The following SLC35F3 variants were observed in gnomAD, a reference collection of about 807,000 sequenced individuals.
SLC35F3 encodes putative thiamine transporter SLC35F3.
Under a neutral mutation model 49.9 loss-of-function variants are expected in SLC35F3, and 25 were observed. That is an observed-to-expected ratio of 0.50 (90% CI 0.37 to 0.70). SLC35F3 has a LOEUF of 0.70. Ranked by LOEUF, SLC35F3 falls within the 30% of genes least tolerant of loss-of-function variation. SLC35F3 has a pLI of 0.00. For synonymous variants in SLC35F3, 275 were observed against 265.4 expected, an observed-to-expected ratio of 1.04 and a Z score of -0.35; for missense variants, 525 against 639.8, an observed-to-expected ratio of 0.82 and a Z score of 1.94.
intron 2 of SLC35F3, among the ~76,000 whole-genome samples, chr1:234,148,865 T>C (rs1202118924): frequency 3.9e-5 from 6 of 152,108 alleles, no homozygotes. Flanking sequence ...AAAAAAGAAA[T>C]TGACTCCTAG....
chr1:234,231,276 C>A lies in SLC35F3; in HGVS notation c.284-141C>A. ...CTATTGCAGCTTGCTGTCACACAGC[C>A]GCCCTGGAAGCCGCCCCTGCACCCG... On this transcript the variant is annotated intron_variant, in intron 2 of 7. Coordinates refer to ENST00000366618, the MANE Select transcript of SLC35F3 (RefSeq NM_173508.4). This position sits in a 1 kb window ranked among gnomAD's most constrained non-coding sequence, Gnocchi z 5.4. 1 of 662,742 alleles carries A rather than the reference C, an allele frequency of 1.5e-6. No individual in the cohort carries two copies. Among genetic ancestry groups the A allele is most frequent in the Non-Finnish European group, 2.5e-6 (1 of 400,414 alleles). The allele number at this position is 662,742 out of a possible 1,614,324, so 41.1% of individuals were successfully genotyped here.
intron 2 of SLC35F3, among the ~76,000 whole-genome samples, chr1:234,144,388 C>T (rs1379315103): frequency 3.9e-5 from 6 of 152,206 alleles, no homozygotes; most frequent in South Asian, 2.1e-4. Context: ...ACAACTCCTT[C>T]GAAGAAAAGG....
intron 2 of SLC35F3, among the ~76,000 whole-genome samples, chr1:234,133,041 C>T (rs1050220990): frequency 8.5e-5 from 13 of 152,200 alleles, no homozygotes; most frequent in African/African-American, 2.7e-4. Context: ...GGTTGAGTAA[C>T]TTGTCTAGGA....
At position 234,320,673 on chromosome 1, in the gene SLC35F3, C is replaced by T. The variant is rs928522394; in HGVS notation, c.1237+486C>T. ...GAAACATGCTGACAAGCTGAAGAAG[C>T]GTGAACGGCATTTTCCCTGACCTCC... is the stretch of plus-strand genomic sequence containing the variant. On this transcript the variant is annotated intron_variant, in intron 7 of 7. Coordinates refer to ENST00000366618, the MANE Select transcript of SLC35F3 (RefSeq NM_173508.4). This position sits in a 1 kb window ranked among gnomAD's most constrained non-coding sequence, Gnocchi z 4.8. Among the ~76,000 whole-genome samples the T allele has an allele frequency of 2.6e-5, 4 of 152,132 alleles. No homozygotes were observed. Among genetic ancestry groups the T allele is most frequent in the African/African-American group, 7.2e-5 (3 of 41,428 alleles).
rs559471948 is a variant in SLC35F3 at position 233,971,714 on chromosome 1, A to T, written c.283+65956A>T. ...GCCTGGGTGACAGAGCGAGACTCCG[A>T]CTCAAAAAAAAAAAAAAAAAGATAC... On this transcript the variant is annotated intron_variant, in intron 2 of 7. Coordinates refer to ENST00000366618, the MANE Select transcript of SLC35F3 (RefSeq NM_173508.4). Among the ~76,000 whole-genome samples the T allele has an allele frequency of 2.5e-3, 225 of 89,774 alleles. 4 individuals carry two copies. Among genetic ancestry groups the T allele is most frequent in the Non-Finnish European group, 5.1e-4 (25 of 49,240 alleles). The allele number at this position is 89,774 out of a possible 152,430, so 58.9% of individuals were successfully genotyped here.
At chr1:234,300,464 T>G (rs888427065) in intron 3 of SLC35F3, among the ~76,000 whole-genome samples, 4 of 152,260 alleles carry the variant, frequency 2.6e-5, no homozygotes, top group Non-Finnish European at 5.9e-5. Flanking sequence ...GCATGCATTC[T>G]GTAAAAAATT....
chr1:234,192,824 G>A (rs1425572281), intron 2 of SLC35F3, among the ~76,000 whole-genome samples: 1 of 152,076 alleles, frequency 6.6e-6, no homozygotes, highest in Non-Finnish European at 1.5e-5. Context: ...ATCAAATCAA[G>A]AACTCGACCC....
chr1:234,201,520 A>T (rs12067119), intron 2 of SLC35F3, among the ~76,000 whole-genome samples: 2 of 152,088 alleles, frequency 1.3e-5, no homozygotes, highest in Non-Finnish European at 2.9e-5. Context: ...AACATCCTTC[A>T]TATCTTAGAT....
At chr1:234,070,357 T>C (rs78362139) in intron 2 of SLC35F3, among the ~76,000 whole-genome samples, 3 of 152,336 alleles carry the variant, frequency 2.0e-5, no homozygotes, top group Non-Finnish European at 2.9e-5. Context: ...CACATCAAAA[T>C]AGAAAACATG....
chr1:234,154,630 C>G (rs1666124362), intron 2 of SLC35F3, among the ~76,000 whole-genome samples: 1 of 152,110 alleles, frequency 6.6e-6, no homozygotes, highest in South Asian at 2.1e-4. Context: ...ATTCTCCTTC[C>G]CCCAATAGTT....
In SLC35F3 at chr1:234,147,578, C is replaced by T. The variant is rs1236794384; in HGVS notation, c.284-83839C>T. Among the ~76,000 whole-genome samples, 3 of 152,138 alleles carry T rather than the reference C, an allele frequency of 2.0e-5. No individual in the cohort carries two copies. The East Asian group carries it at 5.8e-4, about 29-fold the overall frequency. ...ATGAAGTTATTTTGACCTGTAAGCT[C>T]ATGTTTCTTTGGGAGAATCGGTTAC... is the stretch of plus-strand genomic sequence containing the variant. On this transcript the variant is annotated intron_variant, in intron 2 of 7. Transcript: ENST00000366618.
intron 2 of SLC35F3, among the ~76,000 whole-genome samples, chr1:233,923,608 C>T (rs1381050935): frequency 6.6e-6 from 1 of 152,136 alleles, no homozygotes; most frequent in Non-Finnish European, 1.5e-5. Context: ...GACAATTTGA[C>T]TTCCTCTTTT....
At chr1:234,194,360 T>C (rs952465466) in intron 2 of SLC35F3, among the ~76,000 whole-genome samples, 4 of 152,174 alleles carry the variant, frequency 2.6e-5, no homozygotes, top group Admixed American at 6.5e-5. Context: ...ACAACAAACA[T>C]CGCATGTTCT....
intron 3 of SLC35F3, among the ~76,000 whole-genome samples, chr1:234,289,669 A>G (rs1260964587): frequency 6.6e-6 from 1 of 152,176 alleles, no homozygotes; most frequent in East Asian, 1.9e-4. Context: ...CAGAACCAAA[A>G]CTGTGAGCTA....
In SLC35F3 at chr1:234,031,661, T is replaced by C. The variant is rs200916147; in HGVS notation, c.283+125903T>C. Among the ~76,000 whole-genome samples the C allele has an allele frequency of 1.4e-4, 21 of 152,262 alleles. No homozygotes were observed. In the East Asian group the frequency reaches 3.9e-3, roughly 28 times the overall value. ...CTGGCCTCAACCCATCCCCCTGCCT[T>C]GGCCTCCCATTTCATTGGTATTACA... On this transcript the variant is annotated intron_variant, in intron 2 of 7. Coordinates refer to ENST00000366618, the MANE Select transcript of SLC35F3 (RefSeq NM_173508.4).
chr1:234,010,804 A>G (rs1210235656), intron 2 of SLC35F3, among the ~76,000 whole-genome samples: 2 of 152,228 alleles, frequency 1.3e-5, no homozygotes, highest in Non-Finnish European at 1.5e-5. Context: ...GAACAGGAGT[A>G]GCTATATTTA....
chr1:233,944,614 GC>G (rs1662483764), intron 2 of SLC35F3, among the ~76,000 whole-genome samples: 1 of 152,160 alleles, frequency 6.6e-6, no homozygotes, highest in African/African-American at 2.4e-5. Flanking sequence ...GACATCCAAA[GC>G]CTGTTTTGGT....
intron 2 of SLC35F3, among the ~76,000 whole-genome samples, chr1:234,192,287 A>G (rs953244642): frequency 6.6e-6 from 1 of 152,232 alleles, no homozygotes. Flanking sequence ...GGATGCAGGG[A>G]TGGTTTAACA....
At chr1:233,913,315 C>G (rs938995211) in intron 2 of SLC35F3, among the ~76,000 whole-genome samples, 1 of 152,192 alleles carries the variant, frequency 6.6e-6, no homozygotes, top group Non-Finnish European at 1.5e-5. Context: ...CAGTACATTA[C>G]AGTACCAGTC....
Sources: allele counts gnomAD v4.1 joint callset (sites outside exome capture counted in the v4.1 genomes callset), GRCh38; gene constraint gnomAD v4.1.1; non-coding constraint Gnocchi (gnomAD v3.1); transcripts MANE v1.5; gene names NCBI Gene and HGNC (gene_info 2026-07-23, HGNC 2026-07-21).